The following EFL1 variants were observed in gnomAD, a reference collection of about 807,000 sequenced individuals.
The protein encoded by EFL1 is elongation factor-like GTPase 1.
A neutral mutation model predicts 126.7 loss-of-function variants in EFL1; 76 were observed. That is an observed-to-expected ratio of 0.60 (90% CI 0.50 to 0.73). The LOEUF (loss-of-function observed/expected upper bound fraction) is 0.73, where lower values mean the gene tolerates loss of function less well. Ranked by LOEUF, EFL1 falls within the 30% of genes least tolerant of loss-of-function variation. The pLI is 0.00. For synonymous variants in EFL1, 410 were observed against 448.4 expected (o/e 0.91, Z 1.08); for missense variants, 1,128 against 1,343.2 (o/e 0.84, Z 2.50).
At chr15:82,188,134 T>C (rs148164735) in intron 15 of EFL1, among the ~76,000 whole-genome samples, 1 of 152,308 alleles carries the variant, frequency 6.6e-6, no homozygotes, top group African/African-American at 2.4e-5. Context: ...TCTTTATCTT[T>C]ACAAAATTGT....
intron 19 of EFL1, 117 bp from the exon 20 acceptor site, chr15:82,130,678 A>G: frequency 9.4e-7 from 1 of 1,064,032 alleles, no homozygotes; most frequent in Non-Finnish European, 1.3e-6. Context: ...GGCAATGAAC[A>G]GCTAAGCTTG....
At chr15:82,245,582 CTATCTT>C (rs2074964706) in intron 4 of EFL1, among the ~76,000 whole-genome samples, 1 of 152,022 alleles carries the variant, frequency 6.6e-6, no homozygotes, top group Non-Finnish European at 1.5e-5. Context: ...AACAGGGTAA[CTATCTT>C]TATGAGAAGC....
intron 4 of EFL1, among the ~76,000 whole-genome samples, chr15:82,248,251 G>A (rs1266608162): frequency 2.6e-5 from 4 of 152,016 alleles, no homozygotes; most frequent in Non-Finnish European, 5.9e-5. Context: ...ATTGTCTGAC[G>A]AGAACAAAAT....
At chr15:82,244,699 A>G (rs1260984582) in intron 4 of EFL1, among the ~76,000 whole-genome samples, 1 of 152,134 alleles carries the variant, frequency 6.6e-6, no homozygotes, top group East Asian at 1.9e-4. Flanking sequence ...GAGTTATGGG[A>G]AAAGAATTCC....
At chr15:82,189,616 G>A (rs2074337427) in intron 15 of EFL1, among the ~76,000 whole-genome samples, 1 of 152,084 alleles carries the variant, frequency 6.6e-6, no homozygotes, top group African/African-American at 2.4e-5. Flanking sequence ...TCTAGGTTAA[G>A]GGTCTTCTTT....
chr15:82,220,769 G>A lies in EFL1; in HGVS notation c.1293-540C>T, dbSNP rs1221118192. Reference sequence around the variant, plus strand: ...TGTGTATGTGTGGTTTTCCATGGGGGTGAGAATGAGAAGGGGTGGGGGAGG... The same window carrying A: ...TGTGTATGTGTGGTTTTCCATGGGGATGAGAATGAGAAGGGGTGGGGGAGG... On this transcript the variant is annotated intron_variant, in intron 12 of 19. Coordinates refer to ENST00000268206, the MANE Select transcript of EFL1 (RefSeq NM_024580.6). Among the ~76,000 whole-genome samples the A allele has an allele frequency of 2.0e-5, 3 of 151,446 alleles. No homozygotes were observed. In the East Asian group the frequency reaches 5.8e-4, roughly 29 times the overall value.
chr15:82,180,829 G>A lies in EFL1; in HGVS notation c.1751-16845C>T, dbSNP rs554000921. 2.6e-5 allele frequency among the ~76,000 whole-genome samples: 4 copies of A among 151,986 alleles called. No individual in the cohort carries two copies. The East Asian group carries it at 7.7e-4, about 29-fold the overall frequency. On this transcript the variant is annotated intron_variant, in intron 15 of 19. Transcript: ENST00000268206. ...GCAGCCCCTACCTTCCCAGGCTCAG[G>A]GGGGCCCTCTCACCTCAGCCTCCTC...
intron 7 of EFL1, among the ~76,000 whole-genome samples, chr15:82,233,031 A>G (rs2074838207): frequency 6.6e-6 from 1 of 152,174 alleles, no homozygotes; most frequent in South Asian, 2.1e-4. Flanking sequence ...TTTTATAAAT[A>G]AACACTCTAA....
intron 19 of EFL1, among the ~76,000 whole-genome samples, chr15:82,137,019 A>AT (rs35359986): frequency 0.013 from 1,850 of 146,312 alleles, 26 homozygotes; most frequent in African/African-American, 0.036. Context: ...TAAGAATGTG[A>AT]TTTTTTTTTT....
chr15:82,200,495 C>T (rs1354489717), intron 15 of EFL1, among the ~76,000 whole-genome samples: 2 of 152,108 alleles, frequency 1.3e-5, no homozygotes, highest in Non-Finnish European at 2.9e-5. Flanking sequence ...CAATGTTCTC[C>T]CCTCCTGTTG....
intron 15 of EFL1, among the ~76,000 whole-genome samples, chr15:82,197,740 G>A (rs2074423009): frequency 6.6e-6 from 1 of 152,002 alleles, no homozygotes; most frequent in African/African-American, 2.4e-5. Context: ...TGAAAAAAAG[G>A]GCCAAAATAA....
chr15:82,255,623 A>G (rs1041347059), intron 3 of EFL1, among the ~76,000 whole-genome samples: 2 of 152,238 alleles, frequency 1.3e-5, no homozygotes, highest in Non-Finnish European at 2.9e-5. Flanking sequence ...GTTTTTAAAT[A>G]AAAAAGCTTT....
At position 82,138,723 on chromosome 15, in the gene EFL1, C is replaced by G; in HGVS notation, c.3109G>C (p.Ala1037Pro). The G allele has an allele frequency of 6.2e-7, 1 of 1,614,044 alleles. No homozygotes were observed. The highest frequency in any genetic ancestry group is 8.5e-7 in the Non-Finnish European group (1 of 1,179,934). ...CTTGTCCTCTTCCTGATTTCATCAG[C>G]AAAACCAAAGCTTTCAGCAACAGGC... Reference protein sequence around the residue: ...VLPVAESFGFADEIRKRTSGL... With the variant: ...VLPVAESFGFPDEIRKRTSGL... The change falls in exon 19 of 20, where the codon GCT becomes CCT. Residue 1037 changes from alanine (A) to proline (P), a missense_variant. Physicochemically the swap from Ala to Pro is conservative, Grantham distance 27 (BLOSUM62 -1). Around this residue, in one of 6 missense-constraint regions of EFL1, gnomAD observed 561 missense variants for 641.7 expected, o/e 0.87. Coordinates refer to ENST00000268206, the MANE Select transcript of EFL1 (RefSeq NM_024580.6).
At chr15:82,224,066 G>A (rs1251671008) in intron 12 of EFL1, among the ~76,000 whole-genome samples, 4 of 152,190 alleles carry the variant, frequency 2.6e-5, no homozygotes, top group Admixed American at 6.5e-5. Context: ...CACAAGTACA[G>A]ATAGGACATT....
chr15:82,130,647 T>G, intron 19 of EFL1, 86 bp from the exon 20 acceptor site: 6 of 1,411,606 alleles, frequency 4.3e-6, no homozygotes, highest in South Asian at 1.4e-5. Context: ...TTATATAGTC[T>G]TAGCTAATGA....
At chr15:82,175,168 T>TTA (rs2074181097) in intron 15 of EFL1, among the ~76,000 whole-genome samples, 1 of 152,162 alleles carries the variant, frequency 6.6e-6, no homozygotes, top group Admixed American at 6.5e-5. Context: ...TACTGAGTAT[T>TTA]TATTCCAATC....
At chr15:82,189,322 C>A (rs1230065203) in intron 15 of EFL1, among the ~76,000 whole-genome samples, 1 of 152,056 alleles carries the variant, frequency 6.6e-6, no homozygotes, top group Non-Finnish European at 1.5e-5. Context: ...GTATCATATG[C>A]TAAATGTTTT....
intron 11 of EFL1, among the ~76,000 whole-genome samples, chr15:82,226,545 A>G (rs1414130093): frequency 2.0e-5 from 3 of 152,162 alleles, no homozygotes; most frequent in Non-Finnish European, 2.9e-5. Context: ...CCTAACTGAG[A>G]TGGGAATGAC....
chr15:82,227,663 A>ATATTT, intron 10 of EFL1, 91 bp from the exon 11 acceptor site: 1 of 1,556,030 alleles, frequency 6.4e-7, no homozygotes, highest in Non-Finnish European at 8.7e-7. Flanking sequence ...TGAGGTAACA[A>ATATTT]AGTCTGTCCA....
Sources: allele counts gnomAD v4.1 joint callset (sites outside exome capture counted in the v4.1 genomes callset), GRCh38; gene constraint gnomAD v4.1.1; regional missense constraint gnomAD v4.1.1; transcripts MANE v1.5; gene names NCBI Gene and HGNC (gene_info 2026-07-23, HGNC 2026-07-21).